PDE4D: variants seen among roughly 807,000 people sequenced by gnomAD.
The protein encoded by PDE4D is 3',5'-cyclic-AMP phosphodiesterase 4D.
In PDE4D, 24 loss-of-function variants were observed where a neutral mutation model predicts 87.4. The ratio of observed to expected loss-of-function variants is 0.27; its 90% confidence interval spans 0.20 to 0.39. The LOEUF is 0.39. PDE4D is among the 10% of genes least tolerant of loss of function. The pLI, the probability that PDE4D is intolerant of heterozygous loss-of-function variation, is 1.00. For missense variants in PDE4D, 714 were observed against 1,041.0 expected (o/e 0.69, Z 4.32); for synonymous variants, 384 against 383.2 (o/e 1.00, Z -0.02).
At chr5:59,709,006 T>C (rs1471136021) in intron 1 of PDE4D, among the ~76,000 whole-genome samples, 1 of 151,994 alleles carries the variant, frequency 6.6e-6, no homozygotes, top group African/African-American at 2.4e-5. Context: ...AGCTGTGAAT[T>C]TGATAGCAGA....
At chr5:60,460,550 C>T in intron 1 of PDE4D, 1 of 1,373,460 alleles carries the variant, frequency 7.3e-7, no homozygotes, top group Non-Finnish European at 1.0e-6. Context: ...AAAATCTCCT[C>T]ACTGGCTTCT....
intron 1 of PDE4D, among the ~76,000 whole-genome samples, chr5:60,235,301 T>C (rs748224078): frequency 6.6e-5 from 10 of 151,838 alleles, no homozygotes; most frequent in Non-Finnish European, 1.3e-4. Context: ...AAGCATCATA[T>C]AGTGACCCCA....
intron 1 of PDE4D, among the ~76,000 whole-genome samples, chr5:59,766,843 C>G (rs959026161): frequency 5.9e-5 from 9 of 152,200 alleles, no homozygotes; most frequent in African/African-American, 2.2e-4. Flanking sequence ...TTCCCAATAA[C>G]TGCTTTAAGA....
At chr5:59,349,548 C>A (rs1003361753) in intron 1 of PDE4D, among the ~76,000 whole-genome samples, 13 of 151,936 alleles carry the variant, frequency 8.6e-5, no homozygotes, top group African/African-American at 2.7e-4. Flanking sequence ...AAATGGCACT[C>A]GTTGAAAATC....
At chr5:60,143,295 A>G (rs1202765057) in intron 2 of PDE4D, among the ~76,000 whole-genome samples, 3 of 152,258 alleles carry the variant, frequency 2.0e-5, no homozygotes, top group African/African-American at 7.2e-5. Flanking sequence ...CATGCTTCAC[A>G]TTACTAACAG....
At chr5:60,294,513 C>T (rs1753202395) in intron 1 of PDE4D, among the ~76,000 whole-genome samples, 1 of 151,954 alleles carries the variant, frequency 6.6e-6, no homozygotes, top group African/African-American at 2.4e-5. Context: ...GTCTCCAATC[C>T]ATCTTGAATT....
intron 1 of PDE4D, among the ~76,000 whole-genome samples, chr5:59,869,355 A>G (rs1177362851): frequency 6.6e-6 from 1 of 152,198 alleles, no homozygotes; most frequent in Non-Finnish European, 1.5e-5. Flanking sequence ...AACAGTATGC[A>G]TAAAAACTCC....
At chr5:59,599,433 G>C (rs1827181352) in intron 1 of PDE4D, among the ~76,000 whole-genome samples, 1 of 151,630 alleles carries the variant, frequency 6.6e-6, no homozygotes, top group African/African-American at 2.4e-5. Flanking sequence ...TAGAGATGGA[G>C]TTTCACCATG....
intron 3 of PDE4D, among the ~76,000 whole-genome samples, chr5:59,923,855 C>T (rs942562707): frequency 2.0e-5 from 3 of 152,136 alleles, no homozygotes; most frequent in Non-Finnish European, 4.4e-5. Context: ...TCAAGACCAC[C>T]AAGGAAAACG....
At chr5:59,289,193 C>A (rs34739) in intron 1 of PDE4D, among the ~76,000 whole-genome samples, 1 of 151,764 alleles carries the variant, frequency 6.6e-6, no homozygotes, top group African/African-American at 2.4e-5. Flanking sequence ...AGTTTTAAAG[C>A]GGGGGACAAA....
chr5:59,440,788 T>A (rs77236551), intron 1 of PDE4D, among the ~76,000 whole-genome samples: 5,475 of 151,738 alleles, frequency 0.036, 299 homozygotes, highest in East Asian at 0.13. Context: ...AAAAAAAAAA[T>A]TTTCATGTAA....
intron 1 of PDE4D, among the ~76,000 whole-genome samples, chr5:59,625,248 G>T (rs1402113739): frequency 6.6e-6 from 1 of 152,114 alleles, no homozygotes; most frequent in African/African-American, 2.4e-5. Flanking sequence ...TGACCAATGG[G>T]ATAAGAATCC....
intron 5 of PDE4D, among the ~76,000 whole-genome samples, chr5:59,134,515 A>C (rs1035225627): frequency 6.6e-6 from 1 of 152,168 alleles, no homozygotes; most frequent in South Asian, 2.1e-4. Flanking sequence ...ATTTAACTAA[A>C]ACGTAACAGG....
intron 3 of PDE4D, among the ~76,000 whole-genome samples, chr5:59,947,333 C>T (rs1757827732): frequency 2.0e-5 from 3 of 152,146 alleles, no homozygotes; most frequent in African/African-American, 7.2e-5. Context: ...TCTTAACTTG[C>T]CATATCCTTC....
At chr5:59,728,264 G>A (rs1188811324) in intron 1 of PDE4D, among the ~76,000 whole-genome samples, 1 of 151,864 alleles carries the variant, frequency 6.6e-6, no homozygotes, top group Non-Finnish European at 1.5e-5. Flanking sequence ...AATATAAAAG[G>A]GAACATAGTA....
chr5:59,118,529 T>C (rs946259329), intron 5 of PDE4D, among the ~76,000 whole-genome samples: 1 of 152,182 alleles, frequency 6.6e-6, no homozygotes, highest in Admixed American at 6.6e-5. Flanking sequence ...TTCCACAATA[T>C]TGATTACTCA....
chr5:60,255,289 CTA>C (rs1748925801), intron 1 of PDE4D, among the ~76,000 whole-genome samples: 1 of 151,808 alleles, frequency 6.6e-6, no homozygotes. Flanking sequence ...TGTTCTTGGG[CTA>C]TAATTTCTTG....
At chr5:59,965,107 G>T (rs1052103893) in intron 3 of PDE4D, among the ~76,000 whole-genome samples, 2 of 152,050 alleles carry the variant, frequency 1.3e-5, no homozygotes, top group African/African-American at 4.8e-5. Flanking sequence ...AACTGTCCTT[G>T]ATCCAAAACC....
At chr5:60,499,683 CAAG>C (rs1245627646) in intron 1 of PDE4D, among the ~76,000 whole-genome samples, 1 of 152,074 alleles carries the variant, frequency 6.6e-6, no homozygotes, top group Non-Finnish European at 1.5e-5. Context: ...ACCTCAGAAT[CAAG>C]AATAAACTCT....
Sources: gnomAD v4.1 joint callset for allele counts (sites outside exome capture counted in the v4.1 genomes callset) on GRCh38, gnomAD v4.1.1 for gene constraint, MANE v1.5 for transcripts, NCBI Gene and HGNC (gene_info 2026-07-23, HGNC 2026-07-21) for gene names.